The following KCNIP4 variants were observed in gnomAD, a reference collection of about 807,000 sequenced individuals.
KCNIP4 encodes potassium voltage-gated channel interacting protein 4.
Under a neutral mutation model 34.0 loss-of-function variants are expected in KCNIP4, and 12 were observed. That is an observed-to-expected ratio of 0.35 (90% CI 0.23 to 0.57). The LOEUF (loss-of-function observed/expected upper bound fraction) is 0.57, where lower values mean the gene tolerates loss of function less well. Ranked by LOEUF, KCNIP4 falls within the 20% of genes least tolerant of loss-of-function variation. The pLI, the probability that KCNIP4 is intolerant of heterozygous loss-of-function variation, is 0.83. For missense variants in KCNIP4, 238 were observed against 311.7 expected, an observed-to-expected ratio of 0.76 and a Z score of 1.78; for synonymous variants, 124 against 102.2, an observed-to-expected ratio of 1.21 and a Z score of -1.29.
At position 20,994,383 on chromosome 4, in the gene KCNIP4, G is replaced by A. The variant is rs527970238; in HGVS notation, c.62-111674C>T. 6.6e-5 allele frequency among the ~76,000 whole-genome samples: 10 copies of A among 152,312 alleles called. No homozygotes were observed. In the South Asian group the frequency reaches 2.1e-3, roughly 32 times the overall value. On this transcript the variant is annotated intron_variant, in intron 1 of 8. Coordinates refer to ENST00000382152, the MANE Select transcript of KCNIP4 (RefSeq NM_025221.6). ...CATGTGAGTGTGAGAATGAGTGTGT[G>A]TGTTTTATTTTTAACATACAGAAAA...
At chr4:21,199,126 G>A (rs1016864740) in intron 1 of KCNIP4, among the ~76,000 whole-genome samples, 4 of 152,098 alleles carry the variant, frequency 2.6e-5, no homozygotes, top group African/African-American at 4.8e-5. Context: ...TTTCAAGTTC[G>A]AGATCCTTGA....
chr4:21,908,983 T>C (rs531025842), intron 1 of KCNIP4, among the ~76,000 whole-genome samples: 6 of 152,228 alleles, frequency 3.9e-5, no homozygotes, highest in Admixed American at 2.6e-4. Flanking sequence ...ACATGAACTC[T>C]AGTTTATGTG....
At chr4:20,998,073 A>C (rs953165240) in intron 1 of KCNIP4, among the ~76,000 whole-genome samples, 3 of 152,204 alleles carry the variant, frequency 2.0e-5, no homozygotes, top group Admixed American at 6.5e-5. Flanking sequence ...TCATCCACAT[A>C]AAGGAGATAA....
At chr4:21,311,828 C>T (rs939852176) in intron 1 of KCNIP4, among the ~76,000 whole-genome samples, 1 of 152,190 alleles carries the variant, frequency 6.6e-6, no homozygotes, top group Non-Finnish European at 1.5e-5. Context: ...CATCAGATTA[C>T]AGATTCTACT....
At chr4:21,747,901 A>G (rs1475522194) in intron 1 of KCNIP4, among the ~76,000 whole-genome samples, 1 of 152,146 alleles carries the variant, frequency 6.6e-6, no homozygotes, top group East Asian at 1.9e-4. Context: ...CAAGACGCAA[A>G]AAAGGACACA....
At chr4:21,335,924 A>C (rs1318454209) in intron 1 of KCNIP4, among the ~76,000 whole-genome samples, 1 of 152,198 alleles carries the variant, frequency 6.6e-6, no homozygotes, top group Non-Finnish European at 1.5e-5. Context: ...GGGGTCTATT[A>C]GTACCCTCTC....
intron 3 of KCNIP4, among the ~76,000 whole-genome samples, chr4:20,846,074 T>C (rs1221724297): frequency 2.6e-5 from 4 of 152,102 alleles, no homozygotes; most frequent in Non-Finnish European, 5.9e-5. Flanking sequence ...CTATTTTAGA[T>C]AAAAAAAGAT....
intron 1 of KCNIP4, among the ~76,000 whole-genome samples, chr4:21,122,740 G>A (rs1453224652): frequency 3.9e-5 from 6 of 152,124 alleles, no homozygotes; most frequent in Non-Finnish European, 2.9e-5. Context: ...AGAGGACATA[G>A]GGCATACCCT....
chr4:21,514,130 A>C lies in KCNIP4; in HGVS notation c.61+434441T>G, dbSNP rs74693146. Among the ~76,000 whole-genome samples, 17 of 152,316 alleles carry C rather than the reference A, an allele frequency of 1.1e-4. No homozygotes were observed. In the East Asian group the frequency reaches 2.1e-3, roughly 19 times the overall value. On this transcript the variant is annotated intron_variant, in intron 1 of 8. Coordinates refer to ENST00000382152, the MANE Select transcript of KCNIP4 (RefSeq NM_025221.6). ...CGTGAGGCTGTCAGACCTTCTAAAA[A>C]ACCAGAAAAATGTTAACTGTAAGAT...
Position 21,147,939 on chromosome 4 carries a change from CAAAAAAA to C in KCNIP4, c.62-265237_62-265231del, listed in dbSNP as rs377562727. On this transcript the variant is annotated intron_variant, in intron 1 of 8. Transcript: ENST00000382152. ...GGACAACAAAAGTGAAACTCCGTCT[CAAAAAAA>C]AAAAAAAAAAAAAAGAAAAAAAGTT... 2.6e-4 allele frequency among the ~76,000 whole-genome samples: 8 copies of C among 31,020 alleles called. No individual in the cohort carries two copies. In the East Asian group the frequency reaches 6.8e-3, roughly 26 times the overall value. The allele number at this position is 31,020 out of a possible 152,430, so 20.4% of individuals were successfully genotyped here. A position where few individuals can be genotyped will look rare whatever the true frequency, so the allele number is the denominator to read the frequency against.
chr4:21,090,715 C>T (rs1746922154), intron 1 of KCNIP4, among the ~76,000 whole-genome samples: 1 of 151,932 alleles, frequency 6.6e-6, no homozygotes, highest in South Asian at 2.1e-4. Context: ...AATATTTTTG[C>T]AAATGTGGAC....
At chr4:21,651,978 T>G (rs914585316) in intron 1 of KCNIP4, among the ~76,000 whole-genome samples, 1 of 152,200 alleles carries the variant, frequency 6.6e-6, no homozygotes, top group African/African-American at 2.4e-5. Context: ...TTATTACTAG[T>G]TGTTTATAGT....
chr4:21,792,430 G>T (rs1302449656), intron 1 of KCNIP4, among the ~76,000 whole-genome samples: 2 of 152,056 alleles, frequency 1.3e-5, no homozygotes, highest in Admixed American at 6.6e-5. Context: ...GCATAAAATT[G>T]CCCTCATAAA....
chr4:21,397,206 T>C (rs1577298594), intron 1 of KCNIP4, among the ~76,000 whole-genome samples: 1 of 152,338 alleles, frequency 6.6e-6, no homozygotes, highest in East Asian at 1.9e-4. Context: ...ATGCTAAGTA[T>C]TAATAAAAGT....
chr4:21,220,787 G>C (rs1486690947), intron 1 of KCNIP4, among the ~76,000 whole-genome samples: 1 of 152,030 alleles, frequency 6.6e-6, no homozygotes, highest in Non-Finnish European at 1.5e-5. Context: ...GTTTCTAAAA[G>C]TTTAGAAATG....
chr4:21,673,384 G>A (rs563870161), intron 1 of KCNIP4, among the ~76,000 whole-genome samples: 74 of 152,168 alleles, frequency 4.9e-4, no homozygotes, highest in Non-Finnish European at 9.4e-4. Flanking sequence ...TTGACACTAA[G>A]TAGCTTCATC....
chr4:20,951,877 C>T (rs1260854013), intron 1 of KCNIP4, among the ~76,000 whole-genome samples: 1 of 152,124 alleles, frequency 6.6e-6, no homozygotes, highest in African/African-American at 2.4e-5. Context: ...TGGCTGGCTT[C>T]CTTTCTTTTC....
chr4:21,512,465 A>T (rs1449190364), intron 1 of KCNIP4, among the ~76,000 whole-genome samples: 1 of 152,162 alleles, frequency 6.6e-6, no homozygotes, highest in Non-Finnish European at 1.5e-5. Context: ...AGCACAGTAA[A>T]TGACAATTGC....
intron 3 of KCNIP4, among the ~76,000 whole-genome samples, chr4:20,823,298 G>T (rs529911687): frequency 7.4e-4 from 112 of 152,252 alleles, no homozygotes; most frequent in Non-Finnish European, 1.2e-3. Flanking sequence ...GAAGGTCCTT[G>T]TATGTAATGC....
Sources: allele counts gnomAD v4.1 joint callset (sites outside exome capture counted in the v4.1 genomes callset), GRCh38; gene constraint gnomAD v4.1.1; transcripts MANE v1.5; gene names NCBI Gene and HGNC (gene_info 2026-07-23, HGNC 2026-07-21).